The following TWF2 variants were observed in gnomAD, a reference collection of about 807,000 sequenced individuals.
The protein encoded by TWF2 is twinfilin-2.
A neutral mutation model predicts 45.1 loss-of-function variants in TWF2; 15 were observed. That is an observed-to-expected ratio of 0.33 (90% CI 0.22 to 0.51). TWF2 has a LOEUF of 0.51. Ranked by LOEUF, TWF2 falls within the 20% of genes least tolerant of loss-of-function variation. The pLI is 0.97. For missense variants in TWF2, 423 were observed against 469.1 expected, an observed-to-expected ratio of 0.90 and a Z score of 0.91; for synonymous variants, 177 against 195.8, an observed-to-expected ratio of 0.90 and a Z score of 0.80.
Position 52,229,687 on chromosome 3 carries a change from C to T in TWF2, c.856G>A (p.Asp286Asn). Residue 286 changes from aspartate to asparagine, a missense_variant, in exon 8 of 9, where the codon GAC becomes AAC. Asp to Asn is a conservative substitution (Grantham distance 23). Coordinates refer to ENST00000305533, the MANE Select transcript of TWF2 (RefSeq NM_007284.4). ...TTCTTGGCGATCTCCAGATGGAAGT[C>T]CTGCTCCACGGAGTCGAGGAGGCGG... ...KSRLLDSVEQDFHLEIAKKIE... is the reference protein window; with the variant it reads ...KSRLLDSVEQNFHLEIAKKIE... The T allele has an allele frequency of 6.2e-7, 1 of 1,613,496 alleles. No homozygotes were observed. Among genetic ancestry groups the T allele is most frequent in the Non-Finnish European group, 8.5e-7 (1 of 1,180,008 alleles).
intron 8 of TWF2, 96 bp downstream of exon 8, chr3:52,229,565 G>A (rs926744553): frequency 6.5e-6 from 10 of 1,544,228 alleles, no homozygotes; most frequent in Admixed American, 1.9e-5. Flanking sequence ...CGACAGCAAC[G>A]ATTCCTGCTC....
rs771592035 is a variant in TWF2 at position 52,229,960 on chromosome 3, G to A, written c.720C>T (p.Leu240=). 23 of 1,613,112 alleles carry A rather than the reference G, an allele frequency of 1.4e-5. No individual in the cohort carries two copies. The Middle Eastern group carries it at 4.9e-4, about 35-fold the overall frequency. Residue 240 remains leucine (L), a synonymous_variant, in exon 7 of 9, where the codon CTC becomes CTT. Coordinates refer to ENST00000305533, the MANE Select transcript of TWF2 (RefSeq NM_007284.4). ...GGTCGCCCTCATGGGTGTGCTTGTA[G>A]AGGAAGAAGTGGTAGCGGGCAGCAT... is the stretch of plus-strand genomic sequence containing the variant. ...PRDAARYHFF[L]YKHTHEGDPL... is the part of the protein sequence containing the mutation.
chr3:52,238,191 A>G (rs867387526), intron 1 of TWF2, among the ~76,000 whole-genome samples: 2 of 152,206 alleles, frequency 1.3e-5, no homozygotes, highest in Non-Finnish European at 2.9e-5. Context: ...ACAAAACCCC[A>G]TATCTGGACC....
In TWF2 at chr3:52,230,923, C is replaced by T. The variant is rs1414064111; in HGVS notation, c.556G>A (p.Ala186Thr). Residue 186 changes from alanine (A) to threonine (T), a missense_variant, in exon 6 of 9, where the codon GCC becomes ACC. Coordinates refer to ENST00000305533, the MANE Select transcript of TWF2 (RefSeq NM_007284.4). Reference sequence around the variant, plus strand: ...TTGAGCTGCTGGAGTGCCCGCTGGGCCTCAGGCTGCAGGGGGAAGGCGAGG... The same window carrying T: ...TTGAGCTGCTGGAGTGCCCGCTGGGTCTCAGGCTGCAGGGGGAAGGCGAGG... ...QGLAFPLQPE[A>T]QRALQQLKQK... 1 of 1,607,810 alleles carries T rather than the reference C, an allele frequency of 6.2e-7. No individual in the cohort carries two copies. Among genetic ancestry groups the T allele is most frequent in the Non-Finnish European group, 8.5e-7 (1 of 1,177,146 alleles).
At chr3:52,237,833 C>G (rs1350416466) in intron 1 of TWF2, among the ~76,000 whole-genome samples, 3 of 152,240 alleles carry the variant, frequency 2.0e-5, no homozygotes, top group Non-Finnish European at 4.4e-5. Flanking sequence ...ACAACCGCAC[C>G]AGGATTCAGG....
rs1413996261 is a variant in TWF2, at chr3:52,235,044, C to A, written c.88G>T (p.Val30Phe). 1.2e-6 allele frequency: 2 copies of A among 1,613,800 alleles called. No individual in the cohort carries two copies. The highest frequency in any genetic ancestry group is 1.7e-6 in the Non-Finnish European group (2 of 1,180,046). ...ARAGSVRLIKVVIEDEQLVLG... is the reference protein window; with the variant it reads ...ARAGSVRLIKFVIEDEQLVLG... ...GGGCACTCACCGTCCTCAATCACAA[C>A]CTTGATGAGCCGCACAGAGCCAGCC... The change falls in exon 2 of 9, where the codon GTT (valine) becomes TTT (phenylalanine). Residue 30 changes from valine to phenylalanine, a missense_variant. Physicochemically the swap from Val to Phe is conservative, Grantham distance 50. Transcript: ENST00000305533.
At chr3:52,236,039 A>G (rs1002836792) in intron 1 of TWF2, among the ~76,000 whole-genome samples, 1 of 151,968 alleles carries the variant, frequency 6.6e-6, no homozygotes, top group South Asian at 2.1e-4. Flanking sequence ...GGTGGCTCTC[A>G]CCTGTAATCC....
rs1200760054 is a variant in TWF2, at chr3:52,228,800, C to G, written c.*234G>C. On this transcript the variant is annotated 3_prime_UTR_variant, in exon 9 of 9. Coordinates refer to ENST00000305533, the MANE Select transcript of TWF2 (RefSeq NM_007284.4). ...GGCCCCTGACCCAGCCCCCTTAAGC[C>G]AGCCAGGCAGGGTCCCCGGACACCC... The G allele has an allele frequency of 3.1e-6, 2 of 636,044 alleles. No homozygotes were observed. The highest frequency in any genetic ancestry group is 1.9e-5 in the African/African-American group (1 of 53,876). The allele number at this position is 636,044 out of a possible 1,614,324, so 39.4% of individuals were successfully genotyped here.
intron 2 of TWF2, among the ~76,000 whole-genome samples, chr3:52,234,512 T>G (rs571792220): frequency 6.6e-6 from 1 of 152,290 alleles, no homozygotes; most frequent in Admixed American, 6.5e-5. Context: ...CAGCCAAGCC[T>G]AGAACCCTCC....
At chr3:52,238,970 C>A (rs753692681) in intron 1 of TWF2, 22 bp downstream of exon 1, 1 of 1,590,478 alleles carries the variant, frequency 6.3e-7, no homozygotes, top group South Asian at 1.1e-5. Flanking sequence ...AGGCCCCCTG[C>A]CCGCCCGCCA....
rs573354469 is a variant in TWF2 at position 52,230,203 on chromosome 3, T to G, written c.610-133A>C. 98 of 1,224,940 alleles carry G rather than the reference T, an allele frequency of 8.0e-5. No homozygotes were observed. In the East Asian group the frequency reaches 2.4e-3, roughly 30 times the overall value. The allele number at this position is 1,224,940 out of a possible 1,614,324, so 75.9% of individuals were successfully genotyped here. A position where few individuals can be genotyped will look rare whatever the true frequency, so the allele number is the denominator to read the frequency against. On this transcript the variant is annotated intron_variant, in intron 6 of 8. Coordinates refer to ENST00000305533, the MANE Select transcript of TWF2 (RefSeq NM_007284.4). ...TGACCTCCCTCTCCCAAGACTCCCC[T>G]GCAATGGCCATCCCTCTATGGGGGT...
intron 1 of TWF2, 30 bp downstream of exon 1, chr3:52,238,962 G>GC: frequency 1.3e-6 from 2 of 1,587,496 alleles, no homozygotes; most frequent in South Asian, 1.1e-5. Flanking sequence ...CCAGACCGAG[G>GC]CCCCCTGCCC....
At chr3:52,234,895 ATGGCCTCACACCCATTTCCAGAG>A in intron 2 of TWF2, 111 bp downstream of exon 2, 1 of 928,496 alleles carries the variant, frequency 1.1e-6, no homozygotes, top group Non-Finnish European at 1.7e-6. Context: ...CTTTGTCAGG[ATGGCCTCACACCCATTTCCAGAG>A]TGGGAAATTG....
chr3:52,239,069 C>A lies in TWF2; in HGVS notation c.-53G>T. ...GTCGGAGCCCTCCGCTTGACCCTGG[C>A]CCGGCAACGCTCGCTGGACCAAGAG... On this transcript the variant is annotated 5_prime_UTR_variant, in exon 1 of 9. Transcript: ENST00000305533. The A allele has an allele frequency of 6.3e-7, 1 of 1,580,716 alleles. No individual in the cohort carries two copies.
chr3:52,232,998 C>T (rs1374930730), intron 2 of TWF2, among the ~76,000 whole-genome samples: 2 of 152,104 alleles, frequency 1.3e-5, no homozygotes, highest in Non-Finnish European at 2.9e-5. Flanking sequence ...GCAACAAGAG[C>T]GAAACTCCGT....
Position 52,232,208 on chromosome 3 carries a change from G to C in TWF2, c.104-86C>G, listed in dbSNP as rs1056617754. 8.4e-6 allele frequency: 12 copies of C among 1,428,604 alleles called. No homozygotes were observed. In the Admixed American group the frequency reaches 2.8e-4, roughly 33 times the overall value. 88.5% of individuals were successfully genotyped at this position (1,428,604 alleles called of 1,614,324 possible). Reference sequence around the variant, plus strand: ...CCTCCAGCCTCGCCGTGGCTGCCCAGCTGGCTCAGAGCCGCCGGCTGCCCC... The same window carrying C: ...CCTCCAGCCTCGCCGTGGCTGCCCACCTGGCTCAGAGCCGCCGGCTGCCCC... On this transcript the variant is annotated intron_variant, in intron 2 of 8. Coordinates refer to ENST00000305533, the MANE Select transcript of TWF2 (RefSeq NM_007284.4).
intron 1 of TWF2, 99 bp downstream of exon 1, chr3:52,238,893 C>A: frequency 6.8e-7 from 1 of 1,462,332 alleles, no homozygotes; most frequent in Non-Finnish European, 9.1e-7. Flanking sequence ...GAAGCTTTCT[C>A]CCGGCTGGTG....
intron 1 of TWF2, among the ~76,000 whole-genome samples, chr3:52,236,689 C>T (rs574781486): frequency 1.3e-5 from 2 of 152,272 alleles, no homozygotes; most frequent in South Asian, 2.1e-4. Flanking sequence ...GCAGAGTGAC[C>T]GTTAATCTGA....
intron 6 of TWF2, among the ~76,000 whole-genome samples, chr3:52,230,472 G>C (rs1699667702): frequency 6.6e-6 from 1 of 152,188 alleles, no homozygotes; most frequent in South Asian, 2.1e-4. Flanking sequence ...GAACAGCCAG[G>C]GCAGAAGGAC....
Sources: gnomAD v4.1 joint callset for allele counts (sites outside exome capture counted in the v4.1 genomes callset) on GRCh38, gnomAD v4.1.1 for gene constraint, MANE v1.5 for transcripts, NCBI Gene and HGNC (gene_info 2026-07-23, HGNC 2026-07-21) for gene names.